EFL1: variants seen among roughly 807,000 people sequenced by gnomAD.
EFL1 encodes elongation factor like GTPase 1, also known as elongation factor-like GTPase 1.
A neutral mutation model predicts 126.7 loss-of-function variants in EFL1; 76 were observed. The ratio of observed to expected loss-of-function variants is 0.60; its 90% confidence interval spans 0.50 to 0.73. EFL1 has a LOEUF of 0.73. Ranked by LOEUF, EFL1 falls within the 30% of genes least tolerant of loss-of-function variation. The pLI, the probability that EFL1 is intolerant of heterozygous loss-of-function variation, is 0.00. For missense variants in EFL1, 1,128 were observed against 1,343.2 expected (o/e 0.84, Z 2.50); for synonymous variants, 410 against 448.4 (o/e 0.91, Z 1.08).
At chr15:82,162,702 CA>C (rs1196126514) in intron 16 of EFL1, among the ~76,000 whole-genome samples, 2 of 152,154 alleles carry the variant, frequency 1.3e-5, no homozygotes, top group African/African-American at 4.8e-5. Context: ...GGGCTGGCCC[CA>C]AAGGTCAGAG....
At position 82,151,999 on chromosome 15, in the gene EFL1, T is replaced by C. The variant is rs779984894; in HGVS notation, c.2455A>G (p.Ile819Val). The change falls in exon 18 of 20, where the codon ATT (isoleucine) becomes GTT (valine). Residue 819 changes from isoleucine (I) to valine (V), a missense_variant. This residue lies in a region of EFL1 where 561 missense variants were observed against 641.7 expected (regional missense o/e 0.87). Transcript: ENST00000268206. Reference sequence around the variant, plus strand: ...CCAAATGACCAGATTTGGTCAACAATGTTCCTCCATCTTCTCCCTGTTAGG... The same window carrying C: ...CCAAATGACCAGATTTGGTCAACAACGTTCCTCCATCTTCTCCCTGTTAGG... ...QHLTGRRWRN[I>V]VDQIWSFGPR... 1 of 1,614,190 alleles carries C rather than the reference T, an allele frequency of 6.2e-7. No homozygotes were observed. The highest frequency in any genetic ancestry group is 1.1e-5 in the South Asian group (1 of 91,082).
At chr15:82,258,802 A>T (rs1396350793) in intron 3 of EFL1, among the ~76,000 whole-genome samples, 1 of 152,194 alleles carries the variant, frequency 6.6e-6, no homozygotes, top group African/African-American at 2.4e-5. Context: ...CACTCAACTC[A>T]TTCACCTACA....
At chr15:82,199,910 C>T (rs2074449198) in intron 15 of EFL1, among the ~76,000 whole-genome samples, 4 of 152,032 alleles carry the variant, frequency 2.6e-5, no homozygotes, top group Admixed American at 2.6e-4. Flanking sequence ...AAAATAGCCC[C>T]CAATTATTAA....
chr15:82,198,820 G>C (rs546455801), intron 15 of EFL1, among the ~76,000 whole-genome samples: 1 of 152,140 alleles, frequency 6.6e-6, no homozygotes, highest in East Asian at 1.9e-4. Flanking sequence ...TCCAACCAGA[G>C]GATGCCTTAT....
rs1378491193 is a variant in EFL1 at position 82,238,327 on chromosome 15, T to A, written c.711A>T (p.Ala237=). The A allele has an allele frequency of 1.2e-5, 20 of 1,614,058 alleles. No individual in the cohort carries two copies. The highest frequency in any genetic ancestry group is 1.6e-5 in the Non-Finnish European group (19 of 1,180,036). Residue 237 remains alanine, a synonymous_variant, in exon 7 of 20, where the codon GCA becomes GCT. Coordinates refer to ENST00000268206, the MANE Select transcript of EFL1 (RefSeq NM_024580.6). ...PEQGNVVFTS[A]IDGWGFGIEH... is the part of the protein sequence containing the mutation. ...CTTACCCAAAGCCCCACCCATCTAT[T>A]GCACTGGTAAACACCACATTTCCCT...
At chr15:82,261,556 A>T in intron 2 of EFL1, 132 bp downstream of exon 2, 1 of 867,280 alleles carries the variant, frequency 1.2e-6, no homozygotes, top group Admixed American at 3.0e-5. Context: ...ACATCACACA[A>T]AACTTTTAAA....
intron 15 of EFL1, among the ~76,000 whole-genome samples, chr15:82,181,644 G>GTGTGTGTGTA (rs1007312694): frequency 3.8e-4 from 57 of 151,212 alleles, no homozygotes; most frequent in African/African-American, 1.1e-3. Context: ...GTGTGTGTGT[G>GTGTGTGTGTA]TATATATATA....
chr15:82,244,733 G>A (rs1312821103), intron 4 of EFL1, among the ~76,000 whole-genome samples: 1 of 152,108 alleles, frequency 6.6e-6, no homozygotes, highest in African/African-American at 2.4e-5. Flanking sequence ...GTTTTAAAGT[G>A]CCATGGATAA....
rs769011446 is a variant in EFL1, at chr15:82,130,358, A to AC, written c.*14dup. On this transcript the variant is annotated 3_prime_UTR_variant, in exon 20 of 20. Coordinates refer to ENST00000268206, the MANE Select transcript of EFL1 (RefSeq NM_024580.6). ...AAATTCACTATAAGGAAAAGAATCC[A>AC]CCAGTAGTAGGTAGCTACTTATTTT... 2 of 1,611,498 alleles carry AC rather than the reference A, an allele frequency of 1.2e-6. No individual in the cohort carries two copies. Among genetic ancestry groups the AC allele is most frequent in the Non-Finnish European group, 1.7e-6 (2 of 1,178,692 alleles).
chr15:82,234,609 C>G (rs1290920160), intron 7 of EFL1, among the ~76,000 whole-genome samples: 1 of 152,118 alleles, frequency 6.6e-6, no homozygotes, highest in Non-Finnish European at 1.5e-5. Context: ...AATTGGAGAA[C>G]AAGTTCCTGT....
Position 82,147,953 on chromosome 15 carries a change from C to G in EFL1, c.2989+3512G>C, listed in dbSNP as rs191533499. ...TGTACCAAAGTAAAAGAGCTAAAGA[C>G]AGTGCAAAGAGCTTTTTCCAATACT... On this transcript the variant is annotated intron_variant, in intron 18 of 19. Coordinates refer to ENST00000268206, the MANE Select transcript of EFL1 (RefSeq NM_024580.6). 2.9e-3 allele frequency among the ~76,000 whole-genome samples: 434 copies of G among 152,278 alleles called. 4 individuals carry two copies. The highest frequency in any genetic ancestry group is 1.0e-2 in the African/African-American group (414 of 41,570).
rs189569278 is a variant in EFL1 at position 82,151,487 on chromosome 15, G to C, written c.2967C>G (p.Ile989Met). 1 of 1,610,844 alleles carries C rather than the reference G, an allele frequency of 6.2e-7. No individual in the cohort carries two copies. The highest frequency in any genetic ancestry group is 2.2e-5 in the East Asian group (1 of 44,868). Residue 989 changes from isoleucine (I) to methionine (M), a missense_variant, in exon 18 of 20, where the codon ATC becomes ATG. Around this residue, in one of 6 missense-constraint regions of EFL1, gnomAD observed 561 missense variants for 641.7 expected, o/e 0.87. Transcript: ENST00000268206. ...RLMAAMYTCD[I>M]MATGDVLGRV... ...TACCGAGAACATCACCAGTGGCCAT[G>C]ATGTCACATGTGTACATAGCTGCCA...
chr15:82,149,102 G>GA (rs2073880753), intron 18 of EFL1, among the ~76,000 whole-genome samples: 2 of 151,884 alleles, frequency 1.3e-5, no homozygotes, highest in Middle Eastern at 3.4e-3. Context: ...AAGGACACAT[G>GA]AAAAAAATGA....
chr15:82,207,199 A>C (rs1001997837), intron 15 of EFL1, among the ~76,000 whole-genome samples: 2 of 151,824 alleles, frequency 1.3e-5, no homozygotes, highest in Non-Finnish European at 2.9e-5. Flanking sequence ...AAATTAACCT[A>C]GTAAACAGAA....
At chr15:82,156,809 T>C (rs1383581432) in intron 17 of EFL1, among the ~76,000 whole-genome samples, 1 of 152,200 alleles carries the variant, frequency 6.6e-6, no homozygotes, top group Non-Finnish European at 1.5e-5. Flanking sequence ...TACAGGGCAG[T>C]TTATAATTTT....
intron 12 of EFL1, among the ~76,000 whole-genome samples, chr15:82,222,785 T>A (rs2074725365): frequency 6.6e-6 from 1 of 152,212 alleles, no homozygotes; most frequent in African/African-American, 2.4e-5. Flanking sequence ...GTTGTGAGTG[T>A]TAAGTTATTT....
chr15:82,203,797 TA>T (rs2074496660), intron 15 of EFL1, among the ~76,000 whole-genome samples: 2 of 152,250 alleles, frequency 1.3e-5, no homozygotes, highest in African/African-American at 4.8e-5. Flanking sequence ...CACGAATGTA[TA>T]ATATTCCATT....
In EFL1 at chr15:82,151,984, A is replaced by G; in HGVS notation, c.2470T>C (p.Trp824Arg). ...CCACATTTTCTTGGGCCAAATGACC[A>G]GATTTGGTCAACAATGTTCCTCCAT... is the stretch of plus-strand genomic sequence containing the variant. Reference protein sequence around the residue: ...RRWRNIVDQIWSFGPRKCGPN... With the variant: ...RRWRNIVDQIRSFGPRKCGPN... The change falls in exon 18 of 20, where the codon TGG (tryptophan) becomes CGG (arginine). Residue 824 changes from tryptophan (W) to arginine (R), a missense_variant. By Grantham distance (101) the Trp-to-Arg change is moderately radical (BLOSUM62 -3). This residue lies in a region of EFL1 where 561 missense variants were observed against 641.7 expected (regional missense o/e 0.87). Coordinates refer to ENST00000268206, the MANE Select transcript of EFL1 (RefSeq NM_024580.6). 1.2e-6 allele frequency: 2 copies of G among 1,614,174 alleles called. No individual in the cohort carries two copies. The highest frequency in any genetic ancestry group is 1.7e-6 in the Non-Finnish European group (2 of 1,180,036).
At chr15:82,252,110 C>A (rs1297841355) in intron 4 of EFL1, among the ~76,000 whole-genome samples, 5 of 152,186 alleles carry the variant, frequency 3.3e-5, no homozygotes, top group Admixed American at 3.3e-4. Flanking sequence ...TTTGTTTTAA[C>A]AGCTGCACAG....
Sources: gnomAD v4.1 joint callset for allele counts (sites outside exome capture counted in the v4.1 genomes callset) on GRCh38, gnomAD v4.1.1 for gene constraint, gnomAD v4.1.1 regional missense constraint, MANE v1.5 for transcripts, NCBI Gene and HGNC (gene_info 2026-07-23, HGNC 2026-07-21) for gene names.